NEK9: variants seen among roughly 807,000 people sequenced by gnomAD.
The protein encoded by NEK9 is NIMA related kinase 9, also known as serine/threonine-protein kinase Nek9.
A neutral mutation model predicts 123.4 loss-of-function variants in NEK9; 75 were observed. That is an observed-to-expected ratio of 0.61 (90% CI 0.50 to 0.74). The LOEUF is 0.74. Among genes scored for constraint, NEK9 ranks in the 30% least tolerant of loss-of-function variants. The pLI, the probability that NEK9 is intolerant of heterozygous loss-of-function variation, is 0.00. For missense variants in NEK9, 952 were observed against 1,214.4 expected (o/e 0.78, Z 3.21); for synonymous variants, 438 against 458.7 (o/e 0.95, Z 0.58).
At chr14:75,107,586 C>A in intron 10 of NEK9, 99 bp from the exon 11 acceptor site, 2 of 1,028,438 alleles carry the variant, frequency 1.9e-6, no homozygotes, top group South Asian at 3.6e-5. Context: ...CCAAGCTGGT[C>A]TTGAACTCCT....
intron 4 of NEK9, 66 bp downstream of exon 4, chr14:75,120,444 G>C (rs140527429): frequency 4.8e-6 from 5 of 1,043,920 alleles, no homozygotes; most frequent in Non-Finnish European, 7.3e-6. Flanking sequence ...TGTTGTTGGG[G>C]GGGTATCCAC....
intron 16 of NEK9, among the ~76,000 whole-genome samples, chr14:75,098,111 C>T (rs1375526000): frequency 6.6e-6 from 1 of 152,008 alleles, no homozygotes; most frequent in Non-Finnish European, 1.5e-5. Context: ...AGCAGGGAGA[C>T]CAGTTGTAGT....
chr14:75,091,361 G>T lies in NEK9; in HGVS notation c.2351C>A (p.Ala784Glu). 1 of 1,614,036 alleles carries T rather than the reference G, an allele frequency of 6.2e-7. No individual in the cohort carries two copies. Among genetic ancestry groups the T allele is most frequent in the Non-Finnish European group, 8.5e-7 (1 of 1,179,994 alleles). Residue 784 changes from alanine to glutamate, a missense_variant, in exon 19 of 22, where the codon GCA becomes GAA. This residue lies in a region of NEK9 where 698 missense variants were observed against 875.6 expected (regional missense o/e 0.80). Transcript: ENST00000238616. ...GATTAAACCTTCCATTCCTCGGTCT[G>T]CTTCCATTGTTCCTCGGAAGCCTCC... is the stretch of plus-strand genomic sequence containing the variant. Reference protein sequence around the residue: ...PSGGFRGTMEADRGMEGLISP... With the variant: ...PSGGFRGTMEEDRGMEGLISP...
At chr14:75,090,181 T>C (rs1894168177) in intron 19 of NEK9, among the ~76,000 whole-genome samples, 1 of 151,920 alleles carries the variant, frequency 6.6e-6, no homozygotes, top group Non-Finnish European at 1.5e-5. Context: ...TCTCCCTATG[T>C]TGTCTAGGCT....
intron 21 of NEK9, among the ~76,000 whole-genome samples, chr14:75,085,357 G>A (rs1029501118): frequency 9.2e-5 from 14 of 152,168 alleles, no homozygotes; most frequent in Non-Finnish European, 1.8e-4. Flanking sequence ...AACCATACAA[G>A]GTGTCTATTA....
chr14:75,085,015 T>C, intron 21 of NEK9: 1 of 275,174 alleles, frequency 3.6e-6, no homozygotes, highest in Non-Finnish European at 7.3e-6. Context: ...TGTGTGTGTG[T>C]GTGTTTTTGA....
At chr14:75,097,311 T>C (rs1234644114) in intron 16 of NEK9, 41 bp from the exon 17 acceptor site, 1 of 1,495,772 alleles carries the variant, frequency 6.7e-7, no homozygotes, top group African/African-American at 1.4e-5. Context: ...AACAGAACAC[T>C]GGCTTCCCAA....
Position 75,087,184 on chromosome 14 carries a change from G to T in NEK9, c.2651C>A (p.Pro884Gln). The T allele has an allele frequency of 1.2e-6, 2 of 1,614,088 alleles. No homozygotes were observed. The highest frequency in any genetic ancestry group is 1.7e-6 in the Non-Finnish European group (2 of 1,180,008). Residue 884 changes from proline to glutamine, a missense_variant, in exon 21 of 22, where the codon CCA becomes CAA. Around this residue, in one of 4 missense-constraint regions of NEK9, gnomAD observed 698 missense variants for 875.6 expected, o/e 0.80. Transcript: ENST00000238616. ...PAVTCAGKGT[P>Q]LTPPACACSS... ...GCACGCACACGCAGGAGGAGTCAGT[G>T]GTGTTCCCTTCCCAGCACAGGTTAC...
chr14:75,126,123 C>G (rs1475402534), intron 1 of NEK9, among the ~76,000 whole-genome samples: 1 of 152,118 alleles, frequency 6.6e-6, no homozygotes, highest in African/African-American at 2.4e-5. Flanking sequence ...TGCATAAACC[C>G]TGCAAGATAA....
In NEK9 at chr14:75,095,412, C is replaced by A; in HGVS notation, c.2193G>T (p.Lys731Asn). The part of the protein sequence containing the change: ...ILIVEKVLNS[K>N]TIRSNSSGLS... ...AGCCACTGCTATTGGAACGGATGGT[C>A]TTAGAATTCAATACTTTCTCTGAGA... The change falls in exon 18 of 22, where the codon AAG (lysine) becomes AAT (asparagine). Residue 731 changes from lysine (K) to asparagine (N), a missense_variant. Lys to Asn is a moderately conservative substitution (Grantham distance 94, BLOSUM62 0). Around this residue, in one of 4 missense-constraint regions of NEK9, gnomAD observed 698 missense variants for 875.6 expected, o/e 0.80. Coordinates refer to ENST00000238616, the MANE Select transcript of NEK9 (RefSeq NM_033116.6). The A allele has an allele frequency of 6.2e-7, 1 of 1,613,086 alleles. No individual in the cohort carries two copies. The highest frequency in any genetic ancestry group is 1.1e-5 in the South Asian group (1 of 91,006).
At chr14:75,087,700 A>C (rs1190830778) in intron 20 of NEK9, among the ~76,000 whole-genome samples, 1 of 152,256 alleles carries the variant, frequency 6.6e-6, no homozygotes, top group Non-Finnish European at 1.5e-5. Context: ...CAGAGAAATT[A>C]AAACATTCAC....
intron 14 of NEK9, among the ~76,000 whole-genome samples, chr14:75,102,869 A>T (rs1407594713): frequency 1.3e-5 from 2 of 152,230 alleles, no homozygotes; most frequent in Non-Finnish European, 2.9e-5. Context: ...AGCCATAAAA[A>T]AGGATGAGTT....
chr14:75,089,199 T>C (rs964123920), intron 19 of NEK9, among the ~76,000 whole-genome samples: 12 of 152,084 alleles, frequency 7.9e-5, no homozygotes, highest in African/African-American at 2.7e-4. Context: ...CCTGAGTAGC[T>C]AGGACCACAG....
intron 14 of NEK9, among the ~76,000 whole-genome samples, chr14:75,102,704 AT>A (rs748964909): frequency 1.3e-5 from 2 of 152,168 alleles, no homozygotes; most frequent in Non-Finnish European, 2.9e-5. Context: ...CTTGCCCTGA[AT>A]TTGTACTCTC....
chr14:75,083,279 A>C lies in NEK9; in HGVS notation c.*1285T>G. On this transcript the variant is annotated 3_prime_UTR_variant, in exon 22 of 22. Coordinates refer to ENST00000238616, the MANE Select transcript of NEK9 (RefSeq NM_033116.6). ...AATACAAAGCTCACATCCTTAAGGA[A>C]ACCATCAAATACTTGCCTAGAACTT... is the stretch of plus-strand genomic sequence containing the variant. 1 of 396,042 alleles carries C rather than the reference A, an allele frequency of 2.5e-6. No homozygotes were observed. The highest frequency in any genetic ancestry group is 4.4e-6 in the Non-Finnish European group (1 of 224,960). The allele number at this position is 396,042 out of a possible 1,614,324, so 24.5% of individuals were successfully genotyped here.
At chr14:75,093,845 T>C (rs910459778) in intron 18 of NEK9, among the ~76,000 whole-genome samples, 2 of 152,212 alleles carry the variant, frequency 1.3e-5, no homozygotes, top group South Asian at 2.1e-4. Context: ...TTTGGAGATG[T>C]TCACTTTCAC....
At chr14:75,104,677 T>C (rs1894712124) in intron 13 of NEK9, among the ~76,000 whole-genome samples, 1 of 151,490 alleles carries the variant, frequency 6.6e-6, no homozygotes, top group Non-Finnish European at 1.5e-5. Context: ...GAGACAGGGT[T>C]TCACCATGTT....
chr14:75,126,575 C>T, intron 1 of NEK9, 128 bp downstream of exon 1: 1 of 611,620 alleles, frequency 1.6e-6, no homozygotes, highest in Non-Finnish European at 2.6e-6. Context: ...TGGTGAAGAC[C>T]CTAAGACATA....
rs1029586684 is a variant in NEK9, at chr14:75,084,502, G to A, written c.*62C>T. 8 of 1,594,884 alleles carry A rather than the reference G, an allele frequency of 5.0e-6. No individual in the cohort carries two copies. Among genetic ancestry groups the A allele is most frequent in the East Asian group, 2.2e-5 (1 of 44,686 alleles). ...GCCAGGAAAGCTGCTCTCTGCATTC[G>A]GTAAGTGTGCTGTGAAGTTCTTTGG... is the stretch of plus-strand genomic sequence containing the variant. On this transcript the variant is annotated 3_prime_UTR_variant, in exon 22 of 22. Coordinates refer to ENST00000238616, the MANE Select transcript of NEK9 (RefSeq NM_033116.6).
Sources: allele counts gnomAD v4.1 joint callset (sites outside exome capture counted in the v4.1 genomes callset), GRCh38; gene constraint gnomAD v4.1.1; regional missense constraint gnomAD v4.1.1; transcripts MANE v1.5; gene names NCBI Gene and HGNC (gene_info 2026-07-23, HGNC 2026-07-21).